Variants in SMU1 observed in about 807,000 individuals in gnomAD.
The protein encoded by SMU1 is WD40 repeat-containing protein SMU1.
In SMU1, 2 loss-of-function variants were observed where a neutral mutation model predicts 62.0. The ratio of observed to expected loss-of-function variants is 0.03; its 90% CI spans 0.01 to 0.10. The LOEUF (loss-of-function observed/expected upper bound fraction) is 0.10. SMU1 is among the 10% of genes least tolerant of loss of function. SMU1 has a pLI of 1.00. For missense variants in SMU1, 227 were observed against 622.1 expected (o/e 0.36, Z 6.76); for synonymous variants, 188 against 212.4 (o/e 0.89, Z 1.00).
intron 6 of SMU1, among the ~76,000 whole-genome samples, chr9:33,059,406 A>G (rs1839337832): frequency 6.6e-6 from 1 of 151,100 alleles, no homozygotes; most frequent in Non-Finnish European, 1.5e-5. Context: ...TGTTTTTTTG[A>G]ACTTTGTATC....
chr9:33,053,382 G>T (rs961716223), intron 9 of SMU1, 92 bp from the exon 10 acceptor site: 3 of 1,265,518 alleles, frequency 2.4e-6, no homozygotes, highest in African/African-American at 3.1e-5. Flanking sequence ...TACTAAAAAA[G>T]AATAGAAATG....
intron 10 of SMU1, among the ~76,000 whole-genome samples, chr9:33,048,832 T>A (rs1839213695): frequency 6.6e-6 from 1 of 152,204 alleles, no homozygotes; most frequent in African/African-American, 2.4e-5. Context: ...TTGCCAAGGG[T>A]TAGGGCTTGG....
At chr9:33,059,606 G>A (rs1232240976) in intron 6 of SMU1, among the ~76,000 whole-genome samples, 1 of 145,932 alleles carries the variant, frequency 6.9e-6, no homozygotes, top group Non-Finnish European at 1.5e-5. Context: ...GTTTTGTTTT[G>A]TTTTGTTTTT....
At chr9:33,053,044 G>A in intron 10 of SMU1, 79 bp downstream of exon 10, 3 of 1,350,448 alleles carry the variant, frequency 2.2e-6, no homozygotes, top group African/African-American at 1.5e-5. Flanking sequence ...TGGTTATTGG[G>A]AGGGTGGGCC....
Position 33,046,406 on chromosome 9 carries a change from C to G in SMU1, c.*887G>C, listed in dbSNP as rs376699288. On this transcript the variant is annotated 3_prime_UTR_variant, in exon 12 of 12. Transcript: ENST00000397149. The stretch of plus-strand genomic sequence containing the variant: ...AATGAGAACCTATGCATCACCTGGC[C>G]TTTTTACATGTTAGTCTATCCTACT... The G allele has an allele frequency of 9.2e-5, 14 of 152,160 alleles. No homozygotes were observed. The highest frequency in any genetic ancestry group is 3.1e-4 in the African/African-American group (13 of 41,516). 9.4% of individuals were successfully genotyped at this position (152,160 alleles called of 1,614,324 possible).
intron 10 of SMU1, 143 bp downstream of exon 10, chr9:33,052,980 A>G (rs1839265907): frequency 2.8e-6 from 2 of 708,834 alleles, no homozygotes; most frequent in Non-Finnish European, 4.9e-6. Context: ...AGCTATAAAT[A>G]AATCTGAAAA....
At chr9:33,057,109 AGT>A (rs1839312562) in intron 7 of SMU1, 145 bp from the exon 8 acceptor site, 1 of 752,454 alleles carries the variant, frequency 1.3e-6, no homozygotes, top group Middle Eastern at 3.2e-4. Context: ...TATGATGTCT[AGT>A]TCACATAGTA....
At chr9:33,052,535 T>C (rs998799995) in intron 10 of SMU1, among the ~76,000 whole-genome samples, 2 of 152,124 alleles carry the variant, frequency 1.3e-5, no homozygotes, top group Admixed American at 6.6e-5. Context: ...CTGGGTCTTC[T>C]CTATGGTCAG....
At chr9:33,053,027 C>A in intron 10 of SMU1, 96 bp downstream of exon 10, 7 of 1,083,560 alleles carry the variant, frequency 6.5e-6, no homozygotes, top group East Asian at 2.4e-5. Context: ...AGAAATGAAC[C>A]CAAATTTGGT....
intron 1 of SMU1, among the ~76,000 whole-genome samples, chr9:33,074,530 T>A (rs1439580417): frequency 6.6e-6 from 1 of 152,044 alleles, no homozygotes; most frequent in Non-Finnish European, 1.5e-5. Context: ...GGATTGCTTG[T>A]ATCCATAAGG....
intron 5 of SMU1, 116 bp downstream of exon 5, chr9:33,061,933 G>C: frequency 8.9e-7 from 1 of 1,118,552 alleles, no homozygotes; most frequent in Non-Finnish European, 1.3e-6. Context: ...TATTGTCAGA[G>C]CTGGAGAATG....
In SMU1 at chr9:33,057,594, A is replaced by T; in HGVS notation, c.867+4T>A. The T allele has an allele frequency of 3.7e-6, 6 of 1,613,362 alleles. No homozygotes were observed. The highest frequency in any genetic ancestry group is 5.1e-6 in the Non-Finnish European group (6 of 1,179,984). ...ATATGAGAGGCTGTGGCACTAATCC[A>T]TACCTTGATTTTTCCATCTTGGGCC... On this transcript the variant is annotated splice_donor_region_variant and intron_variant, in intron 7 of 11. Coordinates refer to ENST00000397149, the MANE Select transcript of SMU1 (RefSeq NM_018225.3).
At chr9:33,075,371 C>T (rs975552533) in intron 1 of SMU1, among the ~76,000 whole-genome samples, 1 of 150,816 alleles carries the variant, frequency 6.6e-6, no homozygotes, top group African/African-American at 2.4e-5. Flanking sequence ...AGTGAGACTC[C>T]GTCTCAAAAA....
At chr9:33,074,772 CTTTTTTTT>C (rs757049046) in intron 1 of SMU1, among the ~76,000 whole-genome samples, 51 of 133,948 alleles carry the variant, frequency 3.8e-4, no homozygotes, top group Middle Eastern at 3.9e-3. Flanking sequence ...CAAACATCCT[CTTTTTTTT>C]TTTTTTTTTT....
rs1026279244 is a variant in SMU1 at position 33,042,141 on chromosome 9, T to C, written c.*5152A>G. ...CATATTAGGTCGGTTGGTGCAAAAG[T>C]AATGTGCCATTACTTTTAATGGCAA... On this transcript the variant is annotated 3_prime_UTR_variant, in exon 12 of 12. Coordinates refer to ENST00000397149, the MANE Select transcript of SMU1 (RefSeq NM_018225.3). 7.4e-6 allele frequency: 1 copy of C among 134,544 alleles called. No homozygotes were observed. Among genetic ancestry groups the C allele is most frequent in the African/African-American group, 2.7e-5 (1 of 37,608 alleles). 8.3% of individuals were successfully genotyped at this position (134,544 alleles called of 1,614,324 possible).
chr9:33,044,077 G>A lies in SMU1; in HGVS notation c.*3216C>T, dbSNP rs1274444595. On this transcript the variant is annotated 3_prime_UTR_variant, in exon 12 of 12. Coordinates refer to ENST00000397149, the MANE Select transcript of SMU1 (RefSeq NM_018225.3). ...AGTCATTAATTCAACAGCAGAATAG[G>A]GGATAGGACAAATGTCCTTATGCTC... 2.6e-5 allele frequency: 4 copies of A among 151,936 alleles called. No homozygotes were observed. Among genetic ancestry groups the A allele is most frequent in the African/African-American group, 9.7e-5 (4 of 41,354 alleles). 9.4% of individuals were successfully genotyped at this position (151,936 alleles called of 1,614,324 possible). A position where few individuals can be genotyped will look rare whatever the true frequency, so the allele number is the denominator to read the frequency against.
chr9:33,064,467 C>T (rs1328880898), intron 4 of SMU1, among the ~76,000 whole-genome samples: 14 of 152,072 alleles, frequency 9.2e-5, no homozygotes, highest in Non-Finnish European at 1.9e-4. Context: ...CTGACCTCTC[C>T]CCCGCAATTC....
chr9:33,049,420 C>G (rs1482712494), intron 10 of SMU1, among the ~76,000 whole-genome samples: 1 of 152,170 alleles, frequency 6.6e-6, no homozygotes, highest in Non-Finnish European at 1.5e-5. Context: ...AAATAAAGAC[C>G]TTACAGTCTT....
At chr9:33,056,700 C>T (rs2119431191) in intron 8 of SMU1, 137 bp downstream of exon 8, 2 of 937,314 alleles carry the variant, frequency 2.1e-6, no homozygotes, top group East Asian at 4.9e-5. Flanking sequence ...GACATAAGGT[C>T]TCACATACCT....
Sources: gnomAD v4.1 joint callset for allele counts (sites outside exome capture counted in the v4.1 genomes callset) on GRCh38, gnomAD v4.1.1 for gene constraint, MANE v1.5 for transcripts, NCBI Gene and HGNC (gene_info 2026-07-23, HGNC 2026-07-21) for gene names.